SUMF1: variants seen among roughly 807,000 people sequenced by gnomAD.
SUMF1 encodes the protein sulfatase modifying factor 1, also known as formylglycine-generating enzyme.
SUMF1 carries 48 observed loss-of-function variants against 47.6 expected under a neutral mutation model. The observed-to-expected ratio is 1.01, with a 90% CI of 0.80 to 1.28. SUMF1 has a LOEUF of 1.28. Among genes scored for constraint, SUMF1 ranks in the 50% most tolerant of loss-of-function variants. The probability of loss-of-function intolerance (pLI) is 0.00; values close to 1 mark genes in which losing one functional copy is unlikely to be tolerated. For synonymous variants in SUMF1, 230 were observed against 192.1 expected (o/e 1.20, Z -1.63); for missense variants, 571 against 485.4 (o/e 1.18, Z -1.66).
chr3:4,234,981 C>T (rs924412917), intron 8 of SUMF1, among the ~76,000 whole-genome samples: 1 of 152,036 alleles, frequency 6.6e-6, no homozygotes, highest in Non-Finnish European at 1.5e-5. Context: ...TTAACAGGAA[C>T]GTAACATTGA....
At chr3:4,235,082 A>T (rs1270900848) in intron 8 of SUMF1, among the ~76,000 whole-genome samples, 5 of 152,166 alleles carry the variant, frequency 3.3e-5, no homozygotes. Flanking sequence ...ACCAGGCAGG[A>T]AACAGCTGCA....
At chr3:4,397,875 G>A (rs1197300404) in intron 7 of SUMF1, among the ~76,000 whole-genome samples, 2 of 151,978 alleles carry the variant, frequency 1.3e-5, no homozygotes, top group African/African-American at 2.4e-5. Context: ...TTCATTACAC[G>A]TAAAACATAA....
intron 8 of SUMF1, among the ~76,000 whole-genome samples, chr3:4,278,245 A>G (rs1246836587): frequency 1.3e-5 from 2 of 152,092 alleles, no homozygotes; most frequent in Non-Finnish European, 2.9e-5. Flanking sequence ...ATTTATCAAT[A>G]ATTATCAGTG....
intron 8 of SUMF1, among the ~76,000 whole-genome samples, chr3:4,304,431 G>A (rs1698100056): frequency 6.6e-6 from 1 of 152,106 alleles, no homozygotes; most frequent in African/African-American, 2.4e-5. Flanking sequence ...CATGAGCCAC[G>A]CTCCCAGCCT....
intron 3 of SUMF1, among the ~76,000 whole-genome samples, chr3:4,434,888 A>C (rs370808596): frequency 1.3e-5 from 2 of 152,312 alleles, no homozygotes; most frequent in African/African-American, 4.8e-5. Flanking sequence ...AACAGATGCC[A>C]ACCCCAAGAT....
chr3:4,233,414 T>C (rs1162299654), intron 8 of SUMF1, among the ~76,000 whole-genome samples: 1 of 152,132 alleles, frequency 6.6e-6, no homozygotes, highest in Non-Finnish European at 1.5e-5. Flanking sequence ...GTTTTCATTT[T>C]TAATATAAAT....
At chr3:4,303,277 C>A in intron 8 of SUMF1, 1 of 1,339,604 alleles carries the variant, frequency 7.5e-7, no homozygotes, top group South Asian at 1.6e-5. Context: ...AACTACAATT[C>A]CCATGAGGCG....
intron 8 of SUMF1, among the ~76,000 whole-genome samples, chr3:4,333,526 C>G (rs1559229729): frequency 6.6e-6 from 1 of 152,028 alleles, no homozygotes; most frequent in Non-Finnish European, 1.5e-5. Context: ...ACAGGTCCCC[C>G]AAAATTTCAA....
At chr3:4,175,272 C>T (rs946015125) in intron 8 of SUMF1, among the ~76,000 whole-genome samples, 11 of 152,146 alleles carry the variant, frequency 7.2e-5, no homozygotes, top group African/African-American at 2.4e-4. Flanking sequence ...TGGGAGACAC[C>T]TCCCAGTTGG....
chr3:4,413,612 C>A (rs1251087586), intron 6 of SUMF1, among the ~76,000 whole-genome samples: 1 of 152,020 alleles, frequency 6.6e-6, no homozygotes, highest in Non-Finnish European at 1.5e-5. Context: ...ATACTCCTGG[C>A]ACATTTTCAG....
chr3:4,466,313 T>C (rs2079944805), intron 1 of SUMF1, among the ~76,000 whole-genome samples: 1 of 151,970 alleles, frequency 6.6e-6, no homozygotes, highest in Non-Finnish European at 1.5e-5. Flanking sequence ...GGTTTCGCCA[T>C]GTTGGCCAGG....
chr3:4,354,476 A>G (rs1699574982), intron 8 of SUMF1, among the ~76,000 whole-genome samples: 1 of 152,214 alleles, frequency 6.6e-6, no homozygotes, highest in Non-Finnish European at 1.5e-5. Context: ...ATTCAAGAAG[A>G]AAATACCCAG....
intron 8 of SUMF1, chr3:4,317,007 G>C: frequency 6.5e-7 from 1 of 1,549,296 alleles, no homozygotes; most frequent in South Asian, 1.2e-5. Flanking sequence ...GAATGAATTG[G>C]GCTATGAAGT....
At chr3:4,054,102 G>A (rs747082028) in intron 9 of SUMF1, among the ~76,000 whole-genome samples, 55 of 152,140 alleles carry the variant, frequency 3.6e-4, no homozygotes, top group Non-Finnish European at 6.3e-4. Context: ...AACTAATCAC[G>A]TCAGAGAAAA....
intron 8 of SUMF1, among the ~76,000 whole-genome samples, chr3:4,335,444 G>C (rs1333500692): frequency 1.3e-5 from 2 of 152,130 alleles, no homozygotes; most frequent in Non-Finnish European, 2.9e-5. Flanking sequence ...CTCTTACCTG[G>C]AGATGGGGTC....
intron 8 of SUMF1, among the ~76,000 whole-genome samples, chr3:4,184,688 G>A (rs1695165067): frequency 6.9e-6 from 1 of 144,534 alleles, no homozygotes; most frequent in Non-Finnish European, 1.5e-5. Context: ...TTGCTCTGCT[G>A]CCCAGGCTAG....
intron 3 of SUMF1, among the ~76,000 whole-genome samples, chr3:4,446,805 ATTC>A (rs957571248): frequency 8.5e-5 from 13 of 152,226 alleles, no homozygotes; most frequent in African/African-American, 3.1e-4. Flanking sequence ...AATGTCCTAG[ATTC>A]TTCAATAGAT....
chr3:4,302,414 G>A (rs1256469011), intron 8 of SUMF1, among the ~76,000 whole-genome samples: 4 of 152,172 alleles, frequency 2.6e-5, no homozygotes, highest in African/African-American at 7.2e-5. Context: ...GAATGTCTGG[G>A]TTGCAATAAG....
intron 8 of SUMF1, among the ~76,000 whole-genome samples, chr3:4,164,280 C>A (rs1694648530): frequency 6.6e-6 from 1 of 152,162 alleles, no homozygotes; most frequent in Non-Finnish European, 1.5e-5. Context: ...GAGATTAACA[C>A]TGAGAAGGCC....
Sources: gnomAD v4.1 joint callset for allele counts (sites outside exome capture counted in the v4.1 genomes callset) on GRCh38, gnomAD v4.1.1 for gene constraint, MANE v1.5 for transcripts, NCBI Gene and HGNC (gene_info 2026-07-23, HGNC 2026-07-21) for gene names.